Variants in DOCK2 observed in about 807,000 individuals in gnomAD.
The protein encoded by DOCK2 is dedicator of cytokinesis protein 2.
Under a neutral mutation model 248.9 loss-of-function variants are expected in DOCK2, and 87 were observed. The observed-to-expected ratio is 0.35, with a 90% CI of 0.29 to 0.42. The LOEUF (loss-of-function observed/expected upper bound fraction) is 0.42. DOCK2 is among the 10% of genes least tolerant of loss of function. DOCK2 has a pLI of 1.00. For synonymous variants in DOCK2, 805 were observed against 821.6 expected (o/e 0.98, Z 0.35); for missense variants, 1,747 against 2,300.2 (o/e 0.76, Z 4.92).
intron 22 of DOCK2, among the ~76,000 whole-genome samples, chr5:169,743,192 A>G (rs1382054100): frequency 6.6e-6 from 1 of 152,202 alleles, no homozygotes; most frequent in African/African-American, 2.4e-5. Flanking sequence ...TTAATGCTTA[A>G]TCACCCTGCT....
At chr5:169,670,470 G>A (rs2306564) in intron 3 of DOCK2, 72 bp from the exon 4 acceptor site, 61 of 1,551,778 alleles carry the variant, frequency 3.9e-5, no homozygotes, top group South Asian at 9.6e-5. Flanking sequence ...TTATAAAGAC[G>A]TAGGGTCATT....
intron 36 of DOCK2, among the ~76,000 whole-genome samples, chr5:170,039,324 T>C (rs1756432318): frequency 1.3e-5 from 2 of 152,190 alleles, no homozygotes; most frequent in Admixed American, 1.3e-4. Context: ...CGTGCTCTCC[T>C]AGTACCATAG....
chr5:170,016,280 G>A (rs547667586), intron 32 of DOCK2, among the ~76,000 whole-genome samples: 1 of 152,270 alleles, frequency 6.6e-6, no homozygotes, highest in South Asian at 2.1e-4. Flanking sequence ...GCCCTTCCTT[G>A]GCTTTTCTCG....
intron 33 of DOCK2, among the ~76,000 whole-genome samples, chr5:170,022,909 C>T (rs1044460535): frequency 6.6e-6 from 1 of 152,148 alleles, no homozygotes; most frequent in African/African-American, 2.4e-5. Flanking sequence ...TCAGGGGAAC[C>T]ACATCGGCAC....
intron 45 of DOCK2, among the ~76,000 whole-genome samples, chr5:170,068,512 T>G (rs77420825): frequency 0.17 from 26,165 of 152,172 alleles, 2,278 homozygotes; most frequent in Middle Eastern, 0.21. Context: ...TCCAGTCACC[T>G]AATCAATCCT....
In DOCK2 at chr5:169,851,929, T is replaced by A. The variant is rs138146319; in HGVS notation, c.2799+11077T>A. Among the ~76,000 whole-genome samples, 1,482 of 152,246 alleles carry A rather than the reference T, an allele frequency of 9.7e-3. 25 individuals are homozygous for A. Among genetic ancestry groups the A allele is most frequent in the African/African-American group, 0.032 (1,339 of 41,544 alleles). On this transcript the variant is annotated intron_variant, in intron 27 of 51. Transcript: ENST00000520908. ...CACATGGGGATTATGGGGATTACAA[T>A]TCGAGATGAGATTTGGGTGGGGACA...
intron 6 of DOCK2, among the ~76,000 whole-genome samples, chr5:169,675,209 G>A (rs911524807): frequency 3.3e-5 from 5 of 152,216 alleles, no homozygotes; most frequent in South Asian, 2.1e-4. Context: ...GACCCAGGCA[G>A]TCTGGCTCCA....
Position 169,857,899 on chromosome 5 carries a change from C to T in DOCK2, c.2799+17047C>T, listed in dbSNP as rs185104896. 7.2e-4 allele frequency among the ~76,000 whole-genome samples: 109 copies of T among 152,022 alleles called. 1 individual carries two copies. The highest frequency in any genetic ancestry group is 1.1e-3 in the Non-Finnish European group (73 of 67,980). ...AAAAGATAAGTATTCTGTTTATATA[C>T]GTTGGTTTTATATTTGATAAGTGTT... On this transcript the variant is annotated intron_variant, in intron 27 of 51. Transcript: ENST00000520908.
intron 13 of DOCK2, 148 bp from the exon 14 acceptor site, chr5:169,702,155 G>A: frequency 1.0e-6 from 1 of 973,952 alleles, no homozygotes; most frequent in Non-Finnish European, 1.4e-6. Context: ...CCTGATGAGG[G>A]AAAAATGCTT....
chr5:170,082,681 G>A, intron 51 of DOCK2, 115 bp from the exon 52 acceptor site: 1 of 1,315,364 alleles, frequency 7.6e-7, no homozygotes, highest in Non-Finnish European at 1.1e-6. Flanking sequence ...CACATTCACT[G>A]GGCTTTGGGC....
intron 25 of DOCK2, among the ~76,000 whole-genome samples, chr5:169,775,539 C>G (rs146281587): frequency 3.2e-4 from 49 of 152,040 alleles, no homozygotes; most frequent in African/African-American, 1.2e-3. Flanking sequence ...ATAGCAGTCT[C>G]TGGTGCAAAT....
chr5:169,638,467 T>C (rs961549582), intron 1 of DOCK2, among the ~76,000 whole-genome samples: 2 of 152,250 alleles, frequency 1.3e-5, no homozygotes, highest in African/African-American at 2.4e-5. Flanking sequence ...AGGCTTGGAC[T>C]GGGAAGTCAG....
intron 27 of DOCK2, among the ~76,000 whole-genome samples, chr5:169,924,144 T>C (rs1775316488): frequency 6.6e-6 from 1 of 152,196 alleles, no homozygotes; most frequent in African/African-American, 2.4e-5. Flanking sequence ...CCCAGTCTGC[T>C]TCTCCCTGCA....
chr5:169,822,842 GA>G lies in DOCK2; in HGVS notation c.2704-17911del, dbSNP rs1443689138. On this transcript the variant is annotated intron_variant, in intron 26 of 51. Transcript: ENST00000520908. ...CAACGAATCCAGGAGCTGGTTTTTT[GA>G]AAAGATCAACAAAATTGATAGACCA... 3.9e-5 allele frequency among the ~76,000 whole-genome samples: 6 copies of G among 152,148 alleles called. No individual in the cohort carries two copies. In the East Asian group the frequency reaches 9.7e-4, roughly 25 times the overall value.
At chr5:169,711,621 A>G (rs148585015) in intron 15 of DOCK2, among the ~76,000 whole-genome samples, 1,566 of 152,320 alleles carry the variant, frequency 0.01, 28 homozygotes, top group African/African-American at 0.036. Context: ...GCAGTGCATC[A>G]AATCCTGTGC....
chr5:169,647,892 G>C (rs951185441), intron 1 of DOCK2, among the ~76,000 whole-genome samples: 23 of 152,148 alleles, frequency 1.5e-4, no homozygotes, highest in African/African-American at 5.1e-4. Context: ...TCTTCGACTA[G>C]ATTTCACAGA....
chr5:170,019,175 T>A, intron 33 of DOCK2, 67 bp downstream of exon 33: 1 of 1,605,892 alleles, frequency 6.2e-7, no homozygotes, highest in South Asian at 1.1e-5. Flanking sequence ...CATAATGATA[T>A]CCTCATTCCA....
chr5:169,857,571 A>G (rs1375517229), intron 27 of DOCK2, among the ~76,000 whole-genome samples: 1 of 152,156 alleles, frequency 6.6e-6, no homozygotes, highest in Non-Finnish European at 1.5e-5. Context: ...TCACCTCAGG[A>G]GAGTTAGAAG....
Position 169,983,183 on chromosome 5 carries a change from C to T in DOCK2, c.2898+17C>T, listed in dbSNP as rs1177925015. On this transcript the variant is annotated intron_variant, in intron 28 of 51. Transcript: ENST00000520908. ...GAACTTGTGGTGAGTCTGCAGGATGCTGGGGGTGAGGAAGAACTCTTCCAT... is the reference window on the plus strand; with the variant it reads ...GAACTTGTGGTGAGTCTGCAGGATGTTGGGGGTGAGGAAGAACTCTTCCAT... 9 of 1,613,102 alleles carry T rather than the reference C, an allele frequency of 5.6e-6. No individual in the cohort carries two copies. The African/African-American group carries it at 1.2e-4, about 22-fold the overall frequency.
Sources: allele counts gnomAD v4.1 joint callset (sites outside exome capture counted in the v4.1 genomes callset), GRCh38; gene constraint gnomAD v4.1.1; transcripts MANE v1.5; gene names NCBI Gene and HGNC (gene_info 2026-07-23, HGNC 2026-07-21).